Variants in RIMBP2 observed in about 807,000 individuals in gnomAD.
RIMBP2 encodes RIMS-binding protein 2.
In RIMBP2, 48 loss-of-function variants were observed where a neutral mutation model predicts 118.6. That is an observed-to-expected ratio of 0.40 (90% confidence interval 0.32 to 0.51). The LOEUF (loss-of-function observed/expected upper bound fraction) is 0.51, where lower values mean the gene tolerates loss of function less well. Ranked by LOEUF, RIMBP2 falls within the 20% of genes least tolerant of loss-of-function variation. The pLI is 0.41. For missense variants in RIMBP2, 1,551 were observed against 1,768.3 expected, an observed-to-expected ratio of 0.88 and a Z score of 2.20; for synonymous variants, 762 against 742.9, an observed-to-expected ratio of 1.03 and a Z score of -0.42.
chr12:130,646,065 G>GCCTCTCCACCTCCCTCGCCACTTC (rs1427346314), intron 1 of RIMBP2, among the ~76,000 whole-genome samples: 14 of 79,774 alleles, frequency 1.8e-4, no homozygotes, highest in African/African-American at 7.3e-4. Flanking sequence ...CTCACCACCT[G>GCCTCTCCACCTCCCTCGCCACTTC]CCTCTCCACC....
intron 11 of RIMBP2, among the ~76,000 whole-genome samples, chr12:130,440,751 C>T (rs771514162): frequency 6.6e-6 from 1 of 152,204 alleles, no homozygotes; most frequent in Non-Finnish European, 1.5e-5. Flanking sequence ...ACCCTGCCTA[C>T]GTTAGCTGCT....
chr12:130,485,037 T>C (rs2082360863), intron 4 of RIMBP2, among the ~76,000 whole-genome samples: 1 of 152,148 alleles, frequency 6.6e-6, no homozygotes, highest in Non-Finnish European at 1.5e-5. Flanking sequence ...TGTTATGTTT[T>C]AGTCCCAAGA....
chr12:130,480,520 G>A (rs536091419), intron 4 of RIMBP2, among the ~76,000 whole-genome samples: 1 of 152,306 alleles, frequency 6.6e-6, no homozygotes, highest in Non-Finnish European at 1.5e-5. Flanking sequence ...CTTCCTCCTG[G>A]GCTGGAACTG....
intron 11 of RIMBP2, among the ~76,000 whole-genome samples, chr12:130,441,408 A>AATAATCATCATC (rs763616136): frequency 2.3e-5 from 2 of 87,134 alleles, no homozygotes; most frequent in Non-Finnish European, 5.4e-5. Context: ...CTCAAATAAT[A>AATAATCATCATC]ATAATAATAA....
intron 4 of RIMBP2, among the ~76,000 whole-genome samples, chr12:130,493,390 C>T (rs768738853): frequency 3.3e-5 from 5 of 152,140 alleles, no homozygotes; most frequent in Non-Finnish European, 7.3e-5. Context: ...TCTCGGCTCA[C>T]TGCAACCTCC....
Position 130,434,245 on chromosome 12 carries a change from T to C in RIMBP2, c.2253+489A>G, listed in dbSNP as rs1394496340. On this transcript the variant is annotated intron_variant, in intron 14 of 22. Coordinates refer to ENST00000690449, the MANE Select transcript of RIMBP2 (RefSeq NM_001393629.1). The surrounding 1 kb of genome is among the most constrained non-coding windows in gnomAD (Gnocchi z 5.7). The stretch of plus-strand genomic sequence containing the variant: ...CATTAGAATATGCACGATCGGAAAT[T>C]AGACAGAAACCCCAAACTGGCTGAA... Among the ~76,000 whole-genome samples, 1 of 152,182 alleles carries C rather than the reference T, an allele frequency of 6.6e-6. No individual in the cohort carries two copies. The highest frequency in any genetic ancestry group is 1.9e-4 in the East Asian group (1 of 5,188).
At position 130,469,933 on chromosome 12, in the gene RIMBP2, A is replaced by C. The variant is rs1057354747; in HGVS notation, c.153+760T>G. 6.6e-6 allele frequency among the ~76,000 whole-genome samples: 1 copy of C among 152,216 alleles called. No individual in the cohort carries two copies. The highest frequency in any genetic ancestry group is 6.5e-5 in the Admixed American group (1 of 15,286). ...GCTCACTGTAGCCCAGCCACTGTGC[A>C]TGATGGATGCAGACAGCAGAGGCCT... On this transcript the variant is annotated intron_variant, in intron 6 of 22. Coordinates refer to ENST00000690449, the MANE Select transcript of RIMBP2 (RefSeq NM_001393629.1). This position sits in a 1 kb window ranked among gnomAD's most constrained non-coding sequence, Gnocchi z 4.8.
In RIMBP2 at chr12:130,413,064, T is replaced by C. The variant is rs1354134838; in HGVS notation, c.3421-277A>G. ...GGGTGTTTGCTTGGATGAATGCATGTTATTTAAATTCACGCACATTAAAAG... is the reference window on the plus strand; with the variant it reads ...GGGTGTTTGCTTGGATGAATGCATGCTATTTAAATTCACGCACATTAAAAG... On this transcript the variant is annotated intron_variant, in intron 18 of 22. Coordinates refer to ENST00000690449, the MANE Select transcript of RIMBP2 (RefSeq NM_001393629.1). Among the ~76,000 whole-genome samples, 5 of 152,070 alleles carry C rather than the reference T, an allele frequency of 3.3e-5. No homozygotes were observed. In the South Asian group the frequency reaches 6.2e-4, roughly 19 times the overall value.
chr12:130,517,974 G>T, intron 2 of RIMBP2, 57 bp from the exon 3 acceptor site: 1 of 704,836 alleles, frequency 1.4e-6, no homozygotes, highest in Non-Finnish European at 1.7e-6. Context: ...AGACTTGGTA[G>T]AGTGCAGTGG....
chr12:130,493,499 G>A (rs2048840377), intron 4 of RIMBP2, among the ~76,000 whole-genome samples: 1 of 152,000 alleles, frequency 6.6e-6, no homozygotes, highest in Non-Finnish European at 1.5e-5. Context: ...ATTTTTAGTA[G>A]AGACGGGGTT....
rs926079989 is a variant in RIMBP2 at position 130,434,235 on chromosome 12, G to A, written c.2253+499C>T. Among the ~76,000 whole-genome samples the A allele has an allele frequency of 1.3e-5, 2 of 152,152 alleles. No individual in the cohort carries two copies. The highest frequency in any genetic ancestry group is 6.5e-5 in the Admixed American group (1 of 15,276). On this transcript the variant is annotated intron_variant, in intron 14 of 22. Transcript: ENST00000690449. The surrounding 1 kb of genome is among the most constrained non-coding windows in gnomAD (Gnocchi z 5.7). Reference sequence around the variant, plus strand: ...AGGGCATTTCCATTAGAATATGCACGATCGGAAATTAGACAGAAACCCCAA... The same window carrying A: ...AGGGCATTTCCATTAGAATATGCACAATCGGAAATTAGACAGAAACCCCAA...
In RIMBP2 at chr12:130,412,303, C is replaced by T. The variant is rs375580016; in HGVS notation, c.3589+316G>A. On this transcript the variant is annotated intron_variant, in intron 19 of 22. Transcript: ENST00000690449. ...ACAGGCTGATGTTCAAACCGTATTA[C>T]CAGAAAGCAGCTAATCATGTGTTTT... Among the ~76,000 whole-genome samples the T allele has an allele frequency of 1.4e-4, 22 of 152,250 alleles. No homozygotes were observed. In the East Asian group the frequency reaches 2.9e-3, roughly 20 times the overall value.
At chr12:130,549,018 C>G (rs2055462750) in intron 2 of RIMBP2, among the ~76,000 whole-genome samples, 1 of 152,220 alleles carries the variant, frequency 6.6e-6, no homozygotes, top group South Asian at 2.1e-4. Flanking sequence ...AAAAGTATCT[C>G]TGTGAAAACT....
At position 130,538,764 on chromosome 12, in the gene RIMBP2, C is replaced by T. The variant is rs182847441; in HGVS notation, c.-216-20847G>A. On this transcript the variant is annotated intron_variant, in intron 2 of 22. Coordinates refer to ENST00000690449, the MANE Select transcript of RIMBP2 (RefSeq NM_001393629.1). ...AACCAAATACAGCCTGCTTCCCAAC[C>T]GACTTCACATGCTCTCCCAGAGAGG... 2.2e-3 allele frequency among the ~76,000 whole-genome samples: 331 copies of T among 152,296 alleles called. 1 individual carries two copies. The highest frequency in any genetic ancestry group is 6.8e-3 in the South Asian group (33 of 4,820).
Position 130,478,926 on chromosome 12 carries a change from C to A in RIMBP2, c.88G>T (p.Asp30Tyr). The change falls in exon 5 of 23, where the codon GAC becomes TAC. Residue 30 changes from aspartate (D) to tyrosine (Y), a missense_variant. Around this residue, in one of 5 missense-constraint regions of RIMBP2, gnomAD observed 239 missense variants for 256.8 expected, o/e 0.93. Transcript: ENST00000690449. ...CCGCCGCTTACCTTCTGCAGAAGGT[C>A]AATTTCCTGCTGCTTGGCACTGAGA... The part of the protein sequence containing the change: ...AVLSAKQQEI[D>Y]LLQKAQVEAK... 4 of 1,613,232 alleles carry A rather than the reference C, an allele frequency of 2.5e-6. No individual in the cohort carries two copies. Among genetic ancestry groups the A allele is most frequent in the Non-Finnish European group, 2.5e-6 (3 of 1,179,614 alleles).
intron 1 of RIMBP2, among the ~76,000 whole-genome samples, chr12:130,632,635 A>G (rs970514160): frequency 1.2e-4 from 18 of 152,170 alleles, no homozygotes; most frequent in Admixed American, 1.2e-3. Context: ...AGGGGCTTTA[A>G]TATCTCACCA....
intron 7 of RIMBP2, 85 bp from the exon 8 acceptor site, chr12:130,451,425 C>T: frequency 5.1e-6 from 7 of 1,375,446 alleles, no homozygotes; most frequent in Non-Finnish European, 5.9e-6. Flanking sequence ...CCCGGGGTGC[C>T]TTTCCCCTCT....
rs1037610187 is a variant in RIMBP2, at chr12:130,664,438, C to T, written c.-351-35982G>A. On this transcript the variant is annotated intron_variant, in intron 1 of 22. Transcript: ENST00000690449. ...ACACACACGCACACACATGCATGCA[C>T]GCACACACGCACACACATGCACGCA... 1.7e-4 allele frequency among the ~76,000 whole-genome samples: 15 copies of T among 86,796 alleles called. 2 individuals carry two copies. Among genetic ancestry groups the T allele is most frequent in the East Asian group, 3.8e-4 (1 of 2,624 alleles). 56.9% of individuals were successfully genotyped at this position (86,796 alleles called of 152,430 possible). A position where few individuals can be genotyped will look rare whatever the true frequency, so the allele number is the denominator to read the frequency against.
Position 130,406,254 on chromosome 12 carries a change from G to A in RIMBP2, c.3694-11C>T. ...AAATGTAAGTTCGGCCTGTGGAGAT[G>A]AAACATAAAATTAATCGTATTTTTC... On this transcript the variant is annotated splice_polypyrimidine_tract_variant and intron_variant, in intron 20 of 22. Coordinates refer to ENST00000690449, the MANE Select transcript of RIMBP2 (RefSeq NM_001393629.1). 6.3e-7 allele frequency: 1 copy of A among 1,578,372 alleles called. No homozygotes were observed. Among genetic ancestry groups the A allele is most frequent in the Admixed American group, 1.7e-5 (1 of 57,830 alleles).
Sources: gnomAD v4.1 joint callset for allele counts (sites outside exome capture counted in the v4.1 genomes callset) on GRCh38, gnomAD v4.1.1 for gene constraint, gnomAD v4.1.1 regional missense constraint, Gnocchi (gnomAD v3.1) non-coding constraint, MANE v1.5 for transcripts, NCBI Gene and HGNC (gene_info 2026-07-23, HGNC 2026-07-21) for gene names.